Variants in GRIA4 observed in about 807,000 individuals in gnomAD.
GRIA4 encodes glutamate receptor 4.
In GRIA4, 34 loss-of-function variants were observed where a neutral mutation model predicts 104.0. That is an observed-to-expected ratio of 0.33 (90% CI 0.25 to 0.44). GRIA4 has a LOEUF of 0.44. Ranked by LOEUF, GRIA4 falls within the 20% of genes least tolerant of loss-of-function variation. The pLI, the probability that GRIA4 is intolerant of heterozygous loss-of-function variation, is 1.00. For missense variants in GRIA4, 750 were observed against 1,096.5 expected, an observed-to-expected ratio of 0.68 and a Z score of 4.46; for synonymous variants, 386 against 381.9, an observed-to-expected ratio of 1.01 and a Z score of -0.13.
At chr11:105,947,490 T>C (rs1023537797) in intron 14 of GRIA4, among the ~76,000 whole-genome samples, 61 of 152,326 alleles carry the variant, frequency 4.0e-4, no homozygotes, top group African/African-American at 4.6e-4. Flanking sequence ...AAATACTTCA[T>C]AGAAATCTCA....
At chr11:105,940,239 T>C (rs1223332894) in intron 14 of GRIA4, among the ~76,000 whole-genome samples, 1 of 151,984 alleles carries the variant, frequency 6.6e-6, no homozygotes, top group Non-Finnish European at 1.5e-5. Flanking sequence ...GTGGTGCACC[T>C]ATAGTCCCAG....
intron 6 of GRIA4, among the ~76,000 whole-genome samples, chr11:105,894,519 T>C (rs892226892): frequency 2.0e-5 from 3 of 152,192 alleles, no homozygotes; most frequent in African/African-American, 7.2e-5. Context: ...TTAGCTCGTA[T>C]ACCTGGGCCT....
At chr11:105,762,075 G>A (rs1219567714) in intron 4 of GRIA4, among the ~76,000 whole-genome samples, 1 of 149,944 alleles carries the variant, frequency 6.7e-6, no homozygotes, top group African/African-American at 2.5e-5. Context: ...CCCAGCTGAA[G>A]TGCAATTGTG....
At chr11:105,790,390 C>T (rs1942163745) in intron 4 of GRIA4, among the ~76,000 whole-genome samples, 1 of 152,182 alleles carries the variant, frequency 6.6e-6, no homozygotes, top group South Asian at 2.1e-4. Flanking sequence ...TTTGATCCAT[C>T]AGTCACTAGG....
At chr11:105,960,835 G>A (rs1948726039) in intron 14 of GRIA4, among the ~76,000 whole-genome samples, 2 of 152,168 alleles carry the variant, frequency 1.3e-5, no homozygotes, top group East Asian at 1.9e-4. Flanking sequence ...GATGGGTAGC[G>A]TACTCACTCA....
chr11:105,959,076 T>C (rs1046090051), intron 14 of GRIA4, among the ~76,000 whole-genome samples: 4 of 152,174 alleles, frequency 2.6e-5, no homozygotes, highest in South Asian at 2.1e-4. Flanking sequence ...GAGAATCTGA[T>C]GATTATGTGT....
chr11:105,673,734 C>A (rs977546603), intron 3 of GRIA4, among the ~76,000 whole-genome samples: 2 of 151,826 alleles, frequency 1.3e-5, no homozygotes, highest in African/African-American at 4.8e-5. Context: ...TGAAGTTTCT[C>A]ACATTTCTTA....
chr11:105,764,886 C>A (rs1285048909), intron 4 of GRIA4, among the ~76,000 whole-genome samples: 1 of 151,904 alleles, frequency 6.6e-6, no homozygotes, highest in Non-Finnish European at 1.5e-5. Context: ...TGTTTCTTGT[C>A]TAAAAACATG....
chr11:105,760,505 C>T (rs1940566262), intron 4 of GRIA4, among the ~76,000 whole-genome samples: 1 of 152,012 alleles, frequency 6.6e-6, no homozygotes, highest in Non-Finnish European at 1.5e-5. Context: ...TATATTTATC[C>T]CAATGTACTT....
At chr11:105,823,300 G>A (rs1321102850) in intron 4 of GRIA4, among the ~76,000 whole-genome samples, 1 of 152,044 alleles carries the variant, frequency 6.6e-6, no homozygotes, top group Non-Finnish European at 1.5e-5. Context: ...CCGAAGAGGT[G>A]GATTTCTTTT....
chr11:105,711,081 T>C (rs1389731112), intron 3 of GRIA4, among the ~76,000 whole-genome samples: 1 of 152,142 alleles, frequency 6.6e-6, no homozygotes, highest in Admixed American at 6.6e-5. Flanking sequence ...CATAAAAGTA[T>C]ACAATAATTT....
At chr11:105,790,640 G>T (rs894378960) in intron 4 of GRIA4, among the ~76,000 whole-genome samples, 6 of 152,138 alleles carry the variant, frequency 3.9e-5, no homozygotes, top group African/African-American at 1.2e-4. Context: ...TCAAGCCAGG[G>T]AAATAAAAGG....
At chr11:105,818,501 T>C (rs1943462725) in intron 4 of GRIA4, among the ~76,000 whole-genome samples, 1 of 152,180 alleles carries the variant, frequency 6.6e-6, no homozygotes, top group Non-Finnish European at 1.5e-5. Flanking sequence ...GTTATTTTTC[T>C]CCAACTATTC....
At chr11:105,739,183 A>G (rs1939155810) in intron 3 of GRIA4, among the ~76,000 whole-genome samples, 2 of 152,174 alleles carry the variant, frequency 1.3e-5, no homozygotes, top group South Asian at 4.1e-4. Flanking sequence ...TATTGCAAAT[A>G]GCCTTCTGCT....
At chr11:105,633,237 C>G (rs1951084303) in intron 3 of GRIA4, among the ~76,000 whole-genome samples, 1 of 152,122 alleles carries the variant, frequency 6.6e-6, no homozygotes, top group Non-Finnish European at 1.5e-5. Flanking sequence ...TCAAAAGATT[C>G]ATTTTTAATG....
chr11:105,879,887 T>A (rs1315386569), intron 5 of GRIA4, among the ~76,000 whole-genome samples: 1 of 152,198 alleles, frequency 6.6e-6, no homozygotes, highest in Non-Finnish European at 1.5e-5. Context: ...TAAGTCTGAA[T>A]TCCTGTGGTC....
chr11:105,872,901 A>G (rs989246691), intron 5 of GRIA4, among the ~76,000 whole-genome samples: 2 of 152,044 alleles, frequency 1.3e-5, no homozygotes, highest in Non-Finnish European at 2.9e-5. Context: ...GAATTTTTTC[A>G]CAGGAATATC....
At chr11:105,701,113 GT>G (rs1201877358) in intron 3 of GRIA4, among the ~76,000 whole-genome samples, 2 of 151,854 alleles carry the variant, frequency 1.3e-5, no homozygotes, top group African/African-American at 4.8e-5. Flanking sequence ...TAGTTTGAAA[GT>G]TTTTCTTGGT....
chr11:105,780,592 TA>T (rs1941682894), intron 4 of GRIA4, among the ~76,000 whole-genome samples: 1 of 152,122 alleles, frequency 6.6e-6, no homozygotes, highest in Admixed American at 6.6e-5. Flanking sequence ...CCAAGATGAA[TA>T]AAAATTTTAA....
Sources: allele counts gnomAD v4.1 joint callset (sites outside exome capture counted in the v4.1 genomes callset), GRCh38; gene constraint gnomAD v4.1.1; transcripts MANE v1.5; gene names NCBI Gene and HGNC (gene_info 2026-07-23, HGNC 2026-07-21).